The following ACSM5 variants were observed in gnomAD, a reference collection of about 807,000 sequenced individuals.
ACSM5 encodes acyl-coenzyme A synthetase ACSM5, mitochondrial.
ACSM5 carries 56 observed loss-of-function variants against 71.6 expected under a neutral mutation model. That is an observed-to-expected ratio of 0.78 (90% CI 0.63 to 0.98). ACSM5 has a LOEUF of 0.98. Ranked by LOEUF, ACSM5 falls within the 50% of genes least tolerant of loss-of-function variation. The probability of loss-of-function intolerance (pLI) is 0.00; values close to 1 mark genes in which losing one functional copy is unlikely to be tolerated. For missense variants in ACSM5, 723 were observed against 726.0 expected (o/e 1.00, Z 0.05); for synonymous variants, 285 against 281.5 (o/e 1.01, Z -0.12).
intron 8 of ACSM5, among the ~76,000 whole-genome samples, 174 bp from the exon 9 acceptor site, chr16:20,430,819 A>G (rs1290311335): frequency 6.6e-6 from 1 of 151,430 alleles, no homozygotes; most frequent in Non-Finnish European, 1.5e-5. Context: ...AAAAGAAAGA[A>G]GGGAGGAAGA....
intron 2 of ACSM5, among the ~76,000 whole-genome samples, chr16:20,416,135 T>C (rs1374630554): frequency 6.6e-6 from 1 of 152,078 alleles, no homozygotes; most frequent in African/African-American, 2.4e-5. Context: ...AAAGAATTAA[T>C]ATTGTTAAGA....
Position 20,419,245 on chromosome 16 carries a change from G to T in ACSM5, c.433G>T (p.Gly145Cys). ...TATGCCAGGGACTGTGATGATTCCG[G>T]GTGTGACTCAGCTGACAGAGAAGGA... ...CMRTGTVMIP[G>C]VTQLTEKDLK... is the part of the protein sequence containing the mutation. Residue 145 changes from glycine (G) to cysteine (C), a missense_variant, in exon 4 of 14, where the codon GGT (glycine) becomes TGT (cysteine). Gly to Cys is a radical substitution (Grantham distance 159, BLOSUM62 -3). Coordinates refer to ENST00000331849, the MANE Select transcript of ACSM5 (RefSeq NM_017888.3). 6.2e-7 allele frequency: 1 copy of T among 1,614,018 alleles called. No homozygotes were observed. Among genetic ancestry groups the T allele is most frequent in the African/African-American group, 1.3e-5 (1 of 74,974 alleles).
At chr16:20,421,231 G>T in intron 4 of ACSM5, 27 bp from the exon 5 acceptor site, 2 of 1,538,066 alleles carry the variant, frequency 1.3e-6, no homozygotes, top group Non-Finnish European at 1.8e-6. Context: ...CCGTGGTAGT[G>T]CCACCTAGTG....
In ACSM5 at chr16:20,415,300, T is replaced by C. The variant is rs79976407; in HGVS notation, c.205-2759T>C. 6.5e-3 allele frequency among the ~76,000 whole-genome samples: 992 copies of C among 152,266 alleles called. 13 individuals carry two copies. Among genetic ancestry groups the C allele is most frequent in the East Asian group, 0.048 (247 of 5,174 alleles). On this transcript the variant is annotated intron_variant, in intron 2 of 13. Coordinates refer to ENST00000331849, the MANE Select transcript of ACSM5 (RefSeq NM_017888.3). ...TGCAAAGGGAAATCCAAGAGTGTGG[T>C]TGGACAATCTTTTGCTAGCAATTCG...
intron 1 of ACSM5, 91 bp from the exon 2 acceptor site, chr16:20,411,379 T>A: frequency 4.1e-6 from 4 of 985,408 alleles, no homozygotes; most frequent in Non-Finnish European, 6.1e-6. Context: ...ACAGTCACCA[T>A]CAGCACTAAC....
At chr16:20,433,247 C>T (rs1967136184) in intron 10 of ACSM5, among the ~76,000 whole-genome samples, 1 of 152,140 alleles carries the variant, frequency 6.6e-6, no homozygotes, top group Non-Finnish European at 1.5e-5. Context: ...GATCTCAGAC[C>T]AAAATTGTTC....
intron 4 of ACSM5, among the ~76,000 whole-genome samples, chr16:20,420,300 T>A (rs1000681808): frequency 5.9e-5 from 9 of 152,120 alleles, no homozygotes; most frequent in South Asian, 4.2e-4. Flanking sequence ...GGATCTTTTT[T>A]AAAAAAATCA....
At chr16:20,417,631 A>G (rs575622035) in intron 2 of ACSM5, among the ~76,000 whole-genome samples, 14 of 152,344 alleles carry the variant, frequency 9.2e-5, no homozygotes, top group African/African-American at 2.9e-4. Flanking sequence ...GAGAATGGTG[A>G]TGGTTACACA....
At chr16:20,417,697 A>G (rs1424656785) in intron 2 of ACSM5, among the ~76,000 whole-genome samples, 2 of 152,358 alleles carry the variant, frequency 1.3e-5, no homozygotes, top group Middle Eastern at 3.4e-3. Context: ...GGTGATTTTT[A>G]TGGTACCTGA....
intron 5 of ACSM5, among the ~76,000 whole-genome samples, chr16:20,423,564 G>T (rs76223701): frequency 0.012 from 1,763 of 152,260 alleles, 29 homozygotes; most frequent in African/African-American, 0.04. Flanking sequence ...AAGACTAATC[G>T]TTCATTTCTA....
intron 2 of ACSM5, 70 bp downstream of exon 2, chr16:20,411,758 C>G (rs1179163597): frequency 2.0e-6 from 3 of 1,489,554 alleles, no homozygotes; most frequent in Non-Finnish European, 2.8e-6. Flanking sequence ...CAATGAGACT[C>G]AAGGCTCCAA....
intron 6 of ACSM5, among the ~76,000 whole-genome samples, chr16:20,425,643 T>C (rs1204819392): frequency 6.6e-6 from 1 of 152,180 alleles, no homozygotes; most frequent in East Asian, 1.9e-4. Context: ...TGCATCCTCA[T>C]AGCTTAGCTC....
At chr16:20,419,546 C>A in intron 4 of ACSM5, 111 bp downstream of exon 4, 1 of 1,078,260 alleles carries the variant, frequency 9.3e-7, no homozygotes, top group Non-Finnish European at 1.4e-6. Context: ...CAGAGAGGAG[C>A]ACTCCCATTG....
At chr16:20,428,615 C>T (rs529554325) in intron 7 of ACSM5, among the ~76,000 whole-genome samples, 2 of 152,292 alleles carry the variant, frequency 1.3e-5, no homozygotes, top group African/African-American at 4.8e-5. Context: ...AATCTACCCA[C>T]CAAGTGTCCA....
Position 20,437,134 on chromosome 16 carries a change from A to G in ACSM5, c.1391A>G (p.Tyr464Cys). 2 of 1,614,206 alleles carry G rather than the reference A, an allele frequency of 1.2e-6. No individual in the cohort carries two copies. The highest frequency in any genetic ancestry group is 1.7e-6 in the Non-Finnish European group (2 of 1,180,028). ...GDRARMDKDGYFWFMGRNDDV... is the reference protein window; with the variant it reads ...GDRARMDKDGCFWFMGRNDDV... ...CGAGCTCGCATGGACAAGGATGGCT[A>G]CTTTTGGTTCATGGGAAGAAACGAC... The change falls in exon 11 of 14, where the codon TAC (tyrosine) becomes TGC (cysteine). Residue 464 changes from tyrosine (Y) to cysteine (C), a missense_variant. Transcript: ENST00000331849.
intron 5 of ACSM5, among the ~76,000 whole-genome samples, chr16:20,422,867 C>A (rs1303136309): frequency 1.3e-5 from 2 of 152,124 alleles, no homozygotes; most frequent in Non-Finnish European, 2.9e-5. Context: ...TCAAGGAGAG[C>A]TCTAAGAGGA....
chr16:20,436,720 T>C (rs568575372), intron 10 of ACSM5, among the ~76,000 whole-genome samples: 64 of 152,252 alleles, frequency 4.2e-4, no homozygotes, highest in Admixed American at 7.2e-4. Flanking sequence ...AGAGTATTCA[T>C]GTGTTCTCTT....
Position 20,431,087 on chromosome 16 carries a change from C to G in ACSM5, c.1206+14C>G. On this transcript the variant is annotated intron_variant, in intron 9 of 13. Transcript: ENST00000331849. ...TACGATGTGCAGGTAGCAGCCTCCC[C>G]CAACTTCTGGCAAGGCCTGGCATGG... is the stretch of plus-strand genomic sequence containing the variant. 1.2e-6 allele frequency: 2 copies of G among 1,610,950 alleles called. No individual in the cohort carries two copies. Among genetic ancestry groups the G allele is most frequent in the Non-Finnish European group, 1.7e-6 (2 of 1,178,460 alleles).
chr16:20,418,388 T>C (rs1966862894), intron 3 of ACSM5, 119 bp downstream of exon 3: 2 of 1,029,768 alleles, frequency 1.9e-6, no homozygotes, highest in Non-Finnish European at 2.8e-6. Flanking sequence ...TTGTGTTTAC[T>C]TCCTATTTGC....
Sources: allele counts gnomAD v4.1 joint callset (sites outside exome capture counted in the v4.1 genomes callset), GRCh38; gene constraint gnomAD v4.1.1; transcripts MANE v1.5; gene names NCBI Gene and HGNC (gene_info 2026-07-23, HGNC 2026-07-21).